Variants in CSMD1 observed in about 807,000 individuals in gnomAD.
CSMD1 encodes CUB and sushi domain-containing protein 1.
A neutral mutation model predicts 417.5 loss-of-function variants in CSMD1; 213 were observed. The observed-to-expected ratio is 0.51, with a 90% CI of 0.46 to 0.57. CSMD1 has a LOEUF of 0.57. CSMD1 is among the 20% of genes least tolerant of loss of function. The pLI, the probability that CSMD1 is intolerant of heterozygous loss-of-function variation, is 0.00. For synonymous variants in CSMD1, 2,862 were observed against 1,736.8 expected (o/e 1.65, Z -16.11); for missense variants, 6,923 against 4,529.7 (o/e 1.53, Z -15.17).
At chr8:4,934,954 A>C (rs900023195) in intron 1 of CSMD1, among the ~76,000 whole-genome samples, 1 of 152,260 alleles carries the variant, frequency 6.6e-6, no homozygotes, top group Middle Eastern at 3.4e-3. Context: ...AAATCCATCT[A>C]CCTGCCTATA....
At chr8:4,833,688 G>T (rs975081003) in intron 1 of CSMD1, among the ~76,000 whole-genome samples, 1 of 152,156 alleles carries the variant, frequency 6.6e-6, no homozygotes, top group African/African-American at 2.4e-5. Context: ...GCAAGAGCTG[G>T]ATCAATATCT....
At chr8:4,274,626 T>G (rs1013268449) in intron 3 of CSMD1, among the ~76,000 whole-genome samples, 4 of 152,150 alleles carry the variant, frequency 2.6e-5, no homozygotes, top group African/African-American at 9.7e-5. Flanking sequence ...CTATTAAATA[T>G]CGAACAAAAA....
intron 4 of CSMD1, among the ~76,000 whole-genome samples, chr8:4,029,633 C>T (rs1056533277): frequency 1.3e-5 from 2 of 152,066 alleles, no homozygotes; most frequent in Non-Finnish European, 2.9e-5. Context: ...AGGGACACAG[C>T]CAAACCATAT....
At chr8:3,176,693 G>C (rs757637240) in intron 37 of CSMD1, among the ~76,000 whole-genome samples, 1 of 152,144 alleles carries the variant, frequency 6.6e-6, no homozygotes, top group African/African-American at 2.4e-5. Flanking sequence ...AGTATAAAAT[G>C]ATAGCTTTTC....
At chr8:4,173,997 C>T (rs1046884993) in intron 3 of CSMD1, among the ~76,000 whole-genome samples, 3 of 152,140 alleles carry the variant, frequency 2.0e-5, no homozygotes, top group Non-Finnish European at 4.4e-5. Context: ...GATATGTGAC[C>T]ATGCCTGGAT....
intron 3 of CSMD1, among the ~76,000 whole-genome samples, chr8:4,305,098 C>T (rs1019740788): frequency 2.0e-5 from 3 of 152,190 alleles, no homozygotes; most frequent in African/African-American, 7.2e-5. Flanking sequence ...GGTTCCATGC[C>T]TCCTGGATAA....
chr8:3,191,804 G>A lies in CSMD1; in HGVS notation c.5195-1689C>T, dbSNP rs571674305. ...AAAATAGTTATGCCCTTTGAAATTTGCTTATTTTGTTTTTGTCCTCTGCAG... is the reference window on the plus strand; with the variant it reads ...AAAATAGTTATGCCCTTTGAAATTTACTTATTTTGTTTTTGTCCTCTGCAG... On this transcript the variant is annotated intron_variant, in intron 33 of 69. Transcript: ENST00000635120. 2.0e-5 allele frequency among the ~76,000 whole-genome samples: 3 copies of A among 152,284 alleles called. No homozygotes were observed. The East Asian group carries it at 5.8e-4, about 29-fold the overall frequency.
At chr8:4,281,943 C>A (rs966278992) in intron 3 of CSMD1, among the ~76,000 whole-genome samples, 3 of 152,112 alleles carry the variant, frequency 2.0e-5, no homozygotes, top group Admixed American at 6.5e-5. Flanking sequence ...GGTGAATGTG[C>A]CTGTTAGGGC....
At chr8:3,745,895 C>A (rs1749508955) in intron 6 of CSMD1, among the ~76,000 whole-genome samples, 2 of 152,200 alleles carry the variant, frequency 1.3e-5, no homozygotes, top group South Asian at 4.1e-4. Context: ...GGAGCAGTCA[C>A]TACAGCAGCT....
intron 1 of CSMD1, among the ~76,000 whole-genome samples, chr8:4,785,132 C>T (rs1164194953): frequency 6.6e-6 from 1 of 152,120 alleles, no homozygotes; most frequent in Admixed American, 6.5e-5. Flanking sequence ...ATTTTTAAAC[C>T]ATGTGGAAAA....
chr8:3,378,439 C>A (rs1014185300), intron 18 of CSMD1, among the ~76,000 whole-genome samples: 5 of 152,040 alleles, frequency 3.3e-5, no homozygotes, highest in Admixed American at 2.6e-4. Context: ...GGCAAAGGCA[C>A]AGCAAAAAAA....
At chr8:3,786,555 A>C (rs1476239260) in intron 5 of CSMD1, among the ~76,000 whole-genome samples, 4 of 152,212 alleles carry the variant, frequency 2.6e-5, no homozygotes, top group Non-Finnish European at 5.9e-5. Flanking sequence ...ATGCAGACTG[A>C]GGACTTTACA....
rs184045504 is a variant in CSMD1, at chr8:4,371,322, G to A, written c.415+48631C>T. On this transcript the variant is annotated intron_variant, in intron 3 of 69. Transcript: ENST00000635120. ...GAGGCCAAGATACTCACAGACTACT[G>A]GCAACAGGCAAGTTAAAGTTTTAAA... Among the ~76,000 whole-genome samples the A allele has an allele frequency of 2.9e-3, 443 of 152,068 alleles. 2 individuals carry two copies. The highest frequency in any genetic ancestry group is 4.9e-3 in the Non-Finnish European group (336 of 68,008).
intron 25 of CSMD1, among the ~76,000 whole-genome samples, chr8:3,300,294 A>T (rs912801043): frequency 5.3e-5 from 8 of 152,296 alleles, no homozygotes; most frequent in African/African-American, 1.9e-4. Context: ...AAATTTTAAA[A>T]AGCTATATCA....
intron 20 of CSMD1, among the ~76,000 whole-genome samples, chr8:3,362,487 C>G (rs1376470542): frequency 1.3e-5 from 2 of 152,114 alleles, no homozygotes; most frequent in Non-Finnish European, 2.9e-5. Flanking sequence ...CCCTGGATGC[C>G]ACTCTCCTCC....
intron 1 of CSMD1, among the ~76,000 whole-genome samples, chr8:4,643,465 T>C (rs777662316): frequency 7.9e-5 from 12 of 152,286 alleles, no homozygotes; most frequent in Non-Finnish European, 1.5e-4. Context: ...ACACTAAACA[T>C]TGCCTTACTC....
intron 1 of CSMD1, among the ~76,000 whole-genome samples, chr8:4,805,849 G>A (rs1798557910): frequency 1.3e-5 from 2 of 152,110 alleles, no homozygotes; most frequent in South Asian, 2.1e-4. Flanking sequence ...CTCATTGTGG[G>A]ATGCAGCACA....
chr8:3,385,552 A>C (rs1305168594), intron 18 of CSMD1, among the ~76,000 whole-genome samples: 3 of 152,106 alleles, frequency 2.0e-5, no homozygotes, highest in Non-Finnish European at 4.4e-5. Flanking sequence ...GTTACACAAT[A>C]CTTCTAAAAC....
intron 10 of CSMD1, among the ~76,000 whole-genome samples, chr8:3,510,577 G>A (rs534298917): frequency 3.3e-5 from 5 of 151,794 alleles, no homozygotes; most frequent in East Asian, 1.9e-4. Flanking sequence ...CACATTACGT[G>A]GCACAAAATA....
Sources: gnomAD v4.1 joint callset for allele counts (sites outside exome capture counted in the v4.1 genomes callset) on GRCh38, gnomAD v4.1.1 for gene constraint, MANE v1.5 for transcripts, NCBI Gene and HGNC (gene_info 2026-07-23, HGNC 2026-07-21) for gene names.